CNTN6: variants seen among roughly 807,000 people sequenced by gnomAD.
CNTN6 encodes contactin 6, also known as contactin-6.
CNTN6 carries 137 observed loss-of-function variants against 122.8 expected under a neutral mutation model. That is an observed-to-expected ratio of 1.12 (90% CI 0.97 to 1.29). The LOEUF (loss-of-function observed/expected upper bound fraction) is 1.29. Among genes scored for constraint, CNTN6 ranks in the 50% most tolerant of loss-of-function variants. The pLI, the probability that CNTN6 is intolerant of heterozygous loss-of-function variation, is 0.00. For synonymous variants in CNTN6, 570 were observed against 426.0 expected (o/e 1.34, Z -4.16); for missense variants, 1,634 against 1,223.4 (o/e 1.34, Z -5.01).
At chr3:1,121,100 A>G (rs1288263253) in intron 1 of CNTN6, among the ~76,000 whole-genome samples, 1 of 152,048 alleles carries the variant, frequency 6.6e-6, no homozygotes, top group Non-Finnish European at 1.5e-5. Flanking sequence ...TAGCCAAGTC[A>G]CTGAGTTGGG....
At chr3:1,350,117 T>G (rs570406252) in intron 11 of CNTN6, among the ~76,000 whole-genome samples, 1 of 151,958 alleles carries the variant, frequency 6.6e-6, no homozygotes, top group East Asian at 1.9e-4. Flanking sequence ...ATTTTCAGAT[T>G]AAAGTTTAAT....
chr3:1,295,273 G>A lies in CNTN6; in HGVS notation c.455-328G>A, dbSNP rs116265417. 6.3e-3 allele frequency among the ~76,000 whole-genome samples: 959 copies of A among 152,222 alleles called. 11 individuals are homozygous for A. Among genetic ancestry groups the A allele is most frequent in the African/African-American group, 0.022 (908 of 41,532 alleles). On this transcript the variant is annotated intron_variant, in intron 5 of 22. Transcript: ENST00000446702. ...ATAAGTTTTTCCTAAGGAATTCAGT[G>A]TACATTTGGAACAGTTATTATTTTA...
intron 4 of CNTN6, among the ~76,000 whole-genome samples, chr3:1,265,319 C>G (rs2094910690): frequency 6.6e-6 from 1 of 152,156 alleles, no homozygotes; most frequent in South Asian, 2.1e-4. Flanking sequence ...TCACTGTTCT[C>G]TGGAAAAATC....
intron 19 of CNTN6, among the ~76,000 whole-genome samples, chr3:1,384,782 T>TATATACACACACACAC (rs1559990268): frequency 0.012 from 1,612 of 132,056 alleles, 45 homozygotes; most frequent in African/African-American, 0.043. Flanking sequence ...CATATATATA[T>TATATACACACACACAC]ATATATATAT....
intron 7 of CNTN6, among the ~76,000 whole-genome samples, chr3:1,312,872 T>C (rs537001418): frequency 1.5e-4 from 23 of 151,384 alleles, no homozygotes; most frequent in African/African-American, 5.1e-4. Flanking sequence ...ACTATCCTAA[T>C]CCCAATTTGT....
At chr3:1,199,865 C>T (rs890920922) in intron 2 of CNTN6, among the ~76,000 whole-genome samples, 4 of 152,124 alleles carry the variant, frequency 2.6e-5, no homozygotes, top group African/African-American at 9.7e-5. Context: ...TCAATTTCTT[C>T]CATTCTACCA....
chr3:1,189,604 A>G (rs961554753), intron 2 of CNTN6, among the ~76,000 whole-genome samples: 1 of 152,172 alleles, frequency 6.6e-6, no homozygotes, highest in Non-Finnish European at 1.5e-5. Context: ...TAGAGCCAGA[A>G]CTTTAGATTA....
At position 1,403,485 on chromosome 3, in the gene CNTN6, C is replaced by T. The variant is rs1462414478; in HGVS notation, c.*67C>T. 2.1e-6 allele frequency: 2 copies of T among 959,576 alleles called. No individual in the cohort carries two copies. Among genetic ancestry groups the T allele is most frequent in the East Asian group, 2.5e-5 (1 of 40,418 alleles). 59.4% of individuals were successfully genotyped at this position (959,576 alleles called of 1,614,324 possible). A position where few individuals can be genotyped will look rare whatever the true frequency, so the allele number is the denominator to read the frequency against. On this transcript the variant is annotated 3_prime_UTR_variant, in exon 23 of 23. Coordinates refer to ENST00000446702, the MANE Select transcript of CNTN6 (RefSeq NM_001289080.2). ...TCATTCTGTATATATGCTCTCCAGCCTCTGACACAAGATGCGTTCTTAATA... is the reference window on the plus strand; with the variant it reads ...TCATTCTGTATATATGCTCTCCAGCTTCTGACACAAGATGCGTTCTTAATA...
intron 7 of CNTN6, among the ~76,000 whole-genome samples, chr3:1,309,643 G>A (rs1030107660): frequency 5.9e-5 from 9 of 152,082 alleles, no homozygotes; most frequent in African/African-American, 2.2e-4. Context: ...TACAAACTTA[G>A]AATCATTTTG....
chr3:1,134,424 G>C (rs997349733), intron 1 of CNTN6, among the ~76,000 whole-genome samples: 1 of 152,024 alleles, frequency 6.6e-6, no homozygotes, highest in Admixed American at 6.6e-5. Context: ...TAAGCCCTTG[G>C]GGAAGCTCTG....
At chr3:1,224,256 G>C (rs2094247967) in intron 3 of CNTN6, among the ~76,000 whole-genome samples, 1 of 151,742 alleles carries the variant, frequency 6.6e-6, no homozygotes, top group Non-Finnish European at 1.5e-5. Flanking sequence ...GTTACCAGAG[G>C]CTGAGTCAGG....
In CNTN6 at chr3:1,240,877, G is replaced by A. The variant is rs565720507; in HGVS notation, c.358+12884G>A. ...GAGTCTGAAAAGAGAGTCAGTGAAG[G>A]GAGATAGGGGTGGGGCTGTTTTATA... is the stretch of plus-strand genomic sequence containing the variant. On this transcript the variant is annotated intron_variant, in intron 4 of 22. Coordinates refer to ENST00000446702, the MANE Select transcript of CNTN6 (RefSeq NM_001289080.2). 3.0e-3 allele frequency among the ~76,000 whole-genome samples: 462 copies of A among 152,124 alleles called. 4 individuals carry two copies. The highest frequency in any genetic ancestry group is 0.01 in the African/African-American group (435 of 41,448).
chr3:1,343,337 G>C (rs185897233), intron 11 of CNTN6, among the ~76,000 whole-genome samples: 2 of 152,178 alleles, frequency 1.3e-5, no homozygotes, highest in Admixed American at 1.3e-4. Context: ...CCCCTGCATT[G>C]TTCAAAGGCC....
Position 1,403,651 on chromosome 3 carries a change from C to G in CNTN6, c.*233C>G. On this transcript the variant is annotated 3_prime_UTR_variant, in exon 23 of 23. Transcript: ENST00000446702. ...ATGAATTCCTAGGTGCCACATTAACCTGGGGAGTTGTAACTGCTGTGTCTT... is the reference window on the plus strand; with the variant it reads ...ATGAATTCCTAGGTGCCACATTAACGTGGGGAGTTGTAACTGCTGTGTCTT... The G allele has an allele frequency of 6.5e-6, 2 of 308,570 alleles. No homozygotes were observed. Among genetic ancestry groups the G allele is most frequent in the African/African-American group, 2.2e-5 (1 of 46,196 alleles). The allele number at this position is 308,570 out of a possible 1,614,324, so 19.1% of individuals were successfully genotyped here.
At chr3:1,157,827 G>T (rs1048579563) in intron 2 of CNTN6, among the ~76,000 whole-genome samples, 4 of 152,090 alleles carry the variant, frequency 2.6e-5, no homozygotes, top group African/African-American at 9.7e-5. Flanking sequence ...GGCAGAATCT[G>T]GTTCTTTTTT....
intron 4 of CNTN6, among the ~76,000 whole-genome samples, chr3:1,244,409 G>C (rs1321289531): frequency 7.4e-6 from 1 of 135,176 alleles, no homozygotes; most frequent in African/African-American, 2.9e-5. Flanking sequence ...AGCGGGACTT[G>C]CCGCTGAGGG....
At chr3:1,158,089 GT>G (rs1178769121) in intron 2 of CNTN6, among the ~76,000 whole-genome samples, 2 of 152,136 alleles carry the variant, frequency 1.3e-5, no homozygotes, top group Admixed American at 1.3e-4. Flanking sequence ...TCTAGTTTTA[GT>G]TTTAGAGGAA....
At chr3:1,234,728 A>T (rs2094400026) in intron 4 of CNTN6, among the ~76,000 whole-genome samples, 1 of 152,218 alleles carries the variant, frequency 6.6e-6, no homozygotes, top group South Asian at 2.1e-4. Flanking sequence ...AGCCATGAAG[A>T]AATATTTTTT....
intron 12 of CNTN6, among the ~76,000 whole-genome samples, chr3:1,366,690 GGCTGTAGAA>G (rs1267276479): frequency 6.6e-5 from 10 of 152,112 alleles, no homozygotes; most frequent in Non-Finnish European, 1.5e-4. Flanking sequence ...GGCTGCACAT[GGCTGTAGAA>G]TGAACTCTTT....
Sources: gnomAD v4.1 joint callset for allele counts (sites outside exome capture counted in the v4.1 genomes callset) on GRCh38, gnomAD v4.1.1 for gene constraint, MANE v1.5 for transcripts, NCBI Gene and HGNC (gene_info 2026-07-23, HGNC 2026-07-21) for gene names.